The following PLXDC2 variants were observed in gnomAD, a reference collection of about 807,000 sequenced individuals.
The protein encoded by PLXDC2 is plexin domain containing 2, also known as plexin domain-containing protein 2.
Under a neutral mutation model 68.9 loss-of-function variants are expected in PLXDC2, and 40 were observed. That is an observed-to-expected ratio of 0.58 (90% CI 0.45 to 0.76). The LOEUF is 0.76. PLXDC2 is among the 30% of genes least tolerant of loss of function. The pLI, the probability that PLXDC2 is intolerant of heterozygous loss-of-function variation, is 0.00. For missense variants in PLXDC2, 644 were observed against 661.9 expected (o/e 0.97, Z 0.30); for synonymous variants, 243 against 234.2 (o/e 1.04, Z -0.34).
At chr10:20,126,255 A>G (rs540333949) in intron 4 of PLXDC2, among the ~76,000 whole-genome samples, 50 of 146,864 alleles carry the variant, frequency 3.4e-4, no homozygotes, top group African/African-American at 1.2e-3. Flanking sequence ...ATATATACAT[A>G]TACGTTATAT....
chr10:20,287,298 G>A lies in PLXDC2; in HGVS notation c.*7479G>A, dbSNP rs1381909887. 1.3e-5 allele frequency: 2 copies of A among 152,150 alleles called. No individual in the cohort carries two copies. Among genetic ancestry groups the A allele is most frequent in the Non-Finnish European group, 2.9e-5 (2 of 68,026 alleles). The allele number at this position is 152,150 out of a possible 1,614,324, so 9.4% of individuals were successfully genotyped here. A position where few individuals can be genotyped will look rare whatever the true frequency, so the allele number is the denominator to read the frequency against. On this transcript the variant is annotated 3_prime_UTR_variant, in exon 14 of 14. Coordinates refer to ENST00000377252, the MANE Select transcript of PLXDC2 (RefSeq NM_032812.9). ...TAGAGAATTAGTGAATGACCAAAAA[G>A]AGACTTTCCATTTATCTTCCTTTGA...
In PLXDC2 at chr10:20,016,648, G is replaced by A. The variant is rs533896801; in HGVS notation, c.324+14662G>A. On this transcript the variant is annotated intron_variant, in intron 2 of 13. Coordinates refer to ENST00000377252, the MANE Select transcript of PLXDC2 (RefSeq NM_032812.9). ...GGTGTCAAAATCTGTCTACTCTCAG[G>A]CACAGGACAGTGCTTAGTACCTTCT... is the stretch of plus-strand genomic sequence containing the variant. Among the ~76,000 whole-genome samples the A allele has an allele frequency of 2.0e-5, 3 of 152,290 alleles. No individual in the cohort carries two copies. In the East Asian group the frequency reaches 5.8e-4, roughly 29 times the overall value.
chr10:20,173,799 TA>T lies in PLXDC2; in HGVS notation c.884-3198del, dbSNP rs532608407. 4.1e-3 allele frequency among the ~76,000 whole-genome samples: 624 copies of T among 152,306 alleles called. 12 individuals carry two copies. Among genetic ancestry groups the T allele is most frequent in the Non-Finnish European group, 1.1e-3 (76 of 68,004 alleles). On this transcript the variant is annotated intron_variant, in intron 7 of 13. Transcript: ENST00000377252. ...TGAAAGCTTCTAGTATTGGCAGGGG[TA>T]ACCACAATTCTAATTACTTGTTTCT...
intron 1 of PLXDC2, among the ~76,000 whole-genome samples, chr10:19,968,001 T>C (rs537030247): frequency 6.6e-6 from 1 of 152,222 alleles, no homozygotes; most frequent in Non-Finnish European, 1.5e-5. Flanking sequence ...TATTTTAACC[T>C]AGAAAAGACT....
intron 12 of PLXDC2, among the ~76,000 whole-genome samples, chr10:20,238,191 G>A (rs1835459586): frequency 1.3e-5 from 2 of 148,676 alleles, no homozygotes; most frequent in Admixed American, 6.7e-5. Flanking sequence ...TATATATATA[G>A]CATTTTCTTC....
chr10:19,824,056 G>A (rs1372019105), intron 1 of PLXDC2, among the ~76,000 whole-genome samples: 1 of 152,100 alleles, frequency 6.6e-6, no homozygotes, highest in African/African-American at 2.4e-5. Context: ...TTACAGGGAA[G>A]CAGATGAGGA....
intron 1 of PLXDC2, among the ~76,000 whole-genome samples, chr10:19,982,139 T>C (rs1834561364): frequency 6.6e-6 from 1 of 152,208 alleles, no homozygotes; most frequent in African/African-American, 2.4e-5. Context: ...CCCCAAAGAG[T>C]AAATGCATTC....
intron 5 of PLXDC2, among the ~76,000 whole-genome samples, chr10:20,146,891 C>A (rs1219279908): frequency 6.6e-6 from 1 of 151,914 alleles, no homozygotes; most frequent in African/African-American, 2.4e-5. Context: ...AAGATTTGCT[C>A]TTTTAGTTCT....
chr10:20,179,700 C>G (rs899480424), intron 9 of PLXDC2, among the ~76,000 whole-genome samples: 1 of 152,002 alleles, frequency 6.6e-6, no homozygotes, highest in Non-Finnish European at 1.5e-5. Context: ...TTTTGACATT[C>G]GAAACATATC....
chr10:19,942,329 T>C (rs1833833105), intron 1 of PLXDC2, among the ~76,000 whole-genome samples: 1 of 152,232 alleles, frequency 6.6e-6, no homozygotes, highest in African/African-American at 2.4e-5. Context: ...GTCTGGTATT[T>C]TGTGGTTATT....
intron 10 of PLXDC2, among the ~76,000 whole-genome samples, chr10:20,215,876 G>GT (rs1380408486): frequency 6.6e-6 from 1 of 152,130 alleles, no homozygotes; most frequent in Non-Finnish European, 1.5e-5. Flanking sequence ...TGGGATTGCA[G>GT]TTTTAGGTAA....
intron 3 of PLXDC2, among the ~76,000 whole-genome samples, chr10:20,053,751 T>C (rs2131691418): frequency 6.6e-6 from 1 of 152,188 alleles, no homozygotes; most frequent in African/African-American, 2.4e-5. Context: ...AGGAGTCCAG[T>C]GTTTGAAGTT....
intron 4 of PLXDC2, among the ~76,000 whole-genome samples, chr10:20,110,512 C>A (rs186810811): frequency 6.6e-6 from 1 of 151,914 alleles, no homozygotes; most frequent in Admixed American, 6.5e-5. Context: ...TTTTGGAAAT[C>A]ACCTTCATTG....
chr10:19,882,669 G>A (rs1199752365), intron 1 of PLXDC2, among the ~76,000 whole-genome samples: 2 of 152,092 alleles, frequency 1.3e-5, no homozygotes, highest in African/African-American at 4.8e-5. Context: ...TCTGAACTTG[G>A]ATTCAAAGAA....
intron 1 of PLXDC2, among the ~76,000 whole-genome samples, chr10:19,978,234 A>G (rs1589566779): frequency 6.6e-6 from 1 of 152,204 alleles, no homozygotes; most frequent in Non-Finnish European, 1.5e-5. Context: ...GCATAGATTC[A>G]GCTTACAGTC....
At chr10:20,195,932 G>C (rs1354073305) in intron 9 of PLXDC2, among the ~76,000 whole-genome samples, 6 of 152,058 alleles carry the variant, frequency 3.9e-5, no homozygotes, top group African/African-American at 1.4e-4. Flanking sequence ...AAGATGTTAC[G>C]TTCCTTTGTC....
At chr10:20,193,853 A>G (rs1414479929) in intron 9 of PLXDC2, among the ~76,000 whole-genome samples, 1 of 152,072 alleles carries the variant, frequency 6.6e-6, no homozygotes, top group Non-Finnish European at 1.5e-5. Flanking sequence ...TAACAGTCTA[A>G]TGGAATTAGC....
In PLXDC2 at chr10:20,213,994, G is replaced by A. The variant is rs142154602; in HGVS notation, c.1122+2265G>A. ...AGCAATTTCTTCAGATGTATTTACC[G>A]GTTTATTAACTCTCCCTTCATCTTG... is the stretch of plus-strand genomic sequence containing the variant. On this transcript the variant is annotated intron_variant, in intron 10 of 13. Coordinates refer to ENST00000377252, the MANE Select transcript of PLXDC2 (RefSeq NM_032812.9). Among the ~76,000 whole-genome samples the A allele has an allele frequency of 4.2e-3, 636 of 151,864 alleles. 6 individuals carry two copies. The highest frequency in any genetic ancestry group is 0.014 in the African/African-American group (577 of 41,428).
chr10:20,269,928 G>C (rs1321509805), intron 13 of PLXDC2, among the ~76,000 whole-genome samples: 1 of 152,050 alleles, frequency 6.6e-6, no homozygotes, highest in Non-Finnish European at 1.5e-5. Context: ...TGAGGCAGGA[G>C]AATCTCTTGA....
Sources: allele counts gnomAD v4.1 joint callset (sites outside exome capture counted in the v4.1 genomes callset), GRCh38; gene constraint gnomAD v4.1.1; transcripts MANE v1.5; gene names NCBI Gene and HGNC (gene_info 2026-07-23, HGNC 2026-07-21).